The following PDCD6 variants were observed in gnomAD, a reference collection of about 807,000 sequenced individuals.
PDCD6 encodes the protein programmed cell death 6, also known as programmed cell death protein 6.
In PDCD6, 12 loss-of-function variants were observed where a neutral mutation model predicts 28.3. That is an observed-to-expected ratio of 0.42 (90% confidence interval 0.27 to 0.69). PDCD6 has a LOEUF of 0.69. PDCD6 is among the 30% of genes least tolerant of loss of function. The pLI, the probability that PDCD6 is intolerant of heterozygous loss-of-function variation, is 0.22. For missense variants in PDCD6, 226 were observed against 269.9 expected, an observed-to-expected ratio of 0.84 and a Z score of 1.14; for synonymous variants, 92 against 108.0, an observed-to-expected ratio of 0.85 and a Z score of 0.92.
intron 2 of PDCD6, among the ~76,000 whole-genome samples, chr5:281,542 G>T (rs1738562753): frequency 6.6e-6 from 1 of 152,148 alleles, no homozygotes; most frequent in Non-Finnish European, 1.5e-5. Flanking sequence ...CTAGTTTGAG[G>T]GTCATGCAGA....
chr5:278,829 CAGG>C (rs1213449888), intron 2 of PDCD6, among the ~76,000 whole-genome samples: 1 of 104,240 alleles, frequency 9.6e-6, no homozygotes, highest in Non-Finnish European at 1.9e-5. Flanking sequence ...GCTGGGGACA[CAGG>C]AGGGTGCTGG....
intron 2 of PDCD6, among the ~76,000 whole-genome samples, chr5:278,275 C>A (rs1346970878): frequency 6.6e-6 from 1 of 152,226 alleles, no homozygotes; most frequent in African/African-American, 2.4e-5. Flanking sequence ...ATTCATGTGC[C>A]AGACCCTGTC....
chr5:306,372 C>T (rs1740482588), intron 3 of PDCD6: 1 of 500,662 alleles, frequency 2.0e-6, no homozygotes, highest in South Asian at 2.5e-5. Context: ...TCTCCTGGGA[C>T]TTAGGGGGTC....
In PDCD6 at chr5:314,564, C is replaced by A; in HGVS notation, c.*49C>A. On this transcript the variant is annotated 3_prime_UTR_variant, in exon 6 of 6. Coordinates refer to ENST00000264933, the MANE Select transcript of PDCD6 (RefSeq NM_013232.4). ...CACAACATGGAAAGAGCCAAAATGT[C>A]ACAGTTCCTATCTGTGAGGGAATGG... 1.5e-6 allele frequency: 2 copies of A among 1,301,244 alleles called. No homozygotes were observed. The highest frequency in any genetic ancestry group is 1.2e-5 in the South Asian group (1 of 84,374). The allele number at this position is 1,301,244 out of a possible 1,614,324, so 80.6% of individuals were successfully genotyped here.
chr5:291,888 A>T (rs1164894339), intron 2 of PDCD6, among the ~76,000 whole-genome samples: 1 of 152,232 alleles, frequency 6.6e-6, no homozygotes, highest in Non-Finnish European at 1.5e-5. Context: ...CACAAGTGCA[A>T]GTTGCTTCTG....
chr5:272,029 T>TC (rs1031936332), intron 1 of PDCD6, among the ~76,000 whole-genome samples: 1 of 144,886 alleles, frequency 6.9e-6, no homozygotes, highest in Non-Finnish European at 1.5e-5. Flanking sequence ...CCCTGGCGGG[T>TC]CCCCCGCGGT....
intron 2 of PDCD6, among the ~76,000 whole-genome samples, chr5:285,572 C>T (rs556503570): frequency 6.6e-6 from 1 of 151,314 alleles, no homozygotes; most frequent in South Asian, 2.1e-4. Flanking sequence ...CGGCAGGGAG[C>T]TGATGTTCCA....
intron 5 of PDCD6, chr5:312,190 G>A (rs1740964150): frequency 6.6e-6 from 1 of 152,244 alleles, no homozygotes; most frequent in South Asian, 2.1e-4. Flanking sequence ...TGCAAGGCAA[G>A]CTCCTTGGTG....
intron 2 of PDCD6, among the ~76,000 whole-genome samples, chr5:278,174 G>T (rs1429936377): frequency 6.6e-6 from 1 of 152,112 alleles, no homozygotes; most frequent in Non-Finnish European, 1.5e-5. Context: ...TTGGCTTTTA[G>T]GTTCTGTTGG....
At chr5:311,130 G>T in intron 4 of PDCD6, 163 bp from the exon 5 acceptor site, 1 of 651,094 alleles carries the variant, frequency 1.5e-6, no homozygotes, top group South Asian at 1.6e-5. Flanking sequence ...TATTCGGGAA[G>T]TGTCTCAGTT....
At chr5:282,278 G>GT (rs1554005823) in intron 2 of PDCD6, among the ~76,000 whole-genome samples, 3 of 141,728 alleles carry the variant, frequency 2.1e-5, no homozygotes, top group Non-Finnish European at 4.6e-5. Context: ...AAATCGGGGG[G>GT]GGGGGAGCTG....
chr5:296,150 G>T (rs535734970), intron 2 of PDCD6, among the ~76,000 whole-genome samples: 6 of 152,284 alleles, frequency 3.9e-5, no homozygotes, highest in South Asian at 4.1e-4. Flanking sequence ...AAGACCAAAA[G>T]GATCCATTTC....
At chr5:274,827 A>T (rs1210681752) in intron 2 of PDCD6, among the ~76,000 whole-genome samples, 1 of 152,138 alleles carries the variant, frequency 6.6e-6, no homozygotes, top group Non-Finnish European at 1.5e-5. Flanking sequence ...CAAAGTGTAT[A>T]TAGCTCTTTA....
At chr5:306,456 C>T (rs1740490725) in intron 3 of PDCD6, 146 bp from the exon 4 acceptor site, 3 of 694,604 alleles carry the variant, frequency 4.3e-6, no homozygotes, top group East Asian at 5.4e-5. Context: ...TCACCCCATT[C>T]ACAGACAGGC....
chr5:295,204 A>G (rs1312034330), intron 2 of PDCD6, among the ~76,000 whole-genome samples: 1 of 138,922 alleles, frequency 7.2e-6, no homozygotes, highest in Non-Finnish European at 1.5e-5. Context: ...ATTAAAAAAA[A>G]CTCTTAAAAT....
At chr5:283,635 T>A (rs1335115467) in intron 2 of PDCD6, among the ~76,000 whole-genome samples, 1 of 151,878 alleles carries the variant, frequency 6.6e-6, no homozygotes, top group Non-Finnish European at 1.5e-5. Context: ...GTCATGCAGC[T>A]GAAGACTCGG....
chr5:283,500 C>A (rs184418974), intron 2 of PDCD6, among the ~76,000 whole-genome samples: 2 of 151,914 alleles, frequency 1.3e-5, no homozygotes, highest in East Asian at 3.9e-4. Flanking sequence ...TAGCTACAGA[C>A]CCGTAGAGGA....
chr5:301,846 A>G (rs1455291259), intron 2 of PDCD6, among the ~76,000 whole-genome samples: 4 of 141,866 alleles, frequency 2.8e-5, no homozygotes, highest in African/African-American at 1.1e-4. Flanking sequence ...GCTTCTCTGC[A>G]TAACTGCTGG....
chr5:279,814 C>T (rs1483135816), intron 2 of PDCD6, among the ~76,000 whole-genome samples: 1 of 145,732 alleles, frequency 6.9e-6, no homozygotes, highest in Non-Finnish European at 1.5e-5. Flanking sequence ...AAACGAGGAG[C>T]CGGTGCTGCA....
Sources: gnomAD v4.1 joint callset for allele counts (sites outside exome capture counted in the v4.1 genomes callset) on GRCh38, gnomAD v4.1.1 for gene constraint, MANE v1.5 for transcripts, NCBI Gene and HGNC (gene_info 2026-07-23, HGNC 2026-07-21) for gene names.